The following DNAH5 variants were observed in gnomAD, a reference collection of about 807,000 sequenced individuals.
The protein encoded by DNAH5 is dynein axonemal heavy chain 5.
DNAH5 carries 372 observed loss-of-function variants against 518.2 expected under a neutral mutation model. The ratio of observed to expected loss-of-function variants is 0.72; its 90% confidence interval spans 0.66 to 0.78. The LOEUF (loss-of-function observed/expected upper bound fraction) is 0.78, where lower values mean the gene tolerates loss of function less well. Ranked by LOEUF, DNAH5 falls within the 30% of genes least tolerant of loss-of-function variation. The pLI is 0.00. For synonymous variants in DNAH5, 2,039 were observed against 2,025.9 expected, an observed-to-expected ratio of 1.01 and a Z score of -0.17; for missense variants, 5,523 against 5,687.0, an observed-to-expected ratio of 0.97 and a Z score of 0.93.
At position 13,714,593 on chromosome 5, in the gene DNAH5, C is replaced by A; in HGVS notation, c.12937G>T (p.Val4313Leu). The A allele has an allele frequency of 5.6e-6, 9 of 1,614,116 alleles. No individual in the cohort carries two copies. Among genetic ancestry groups the A allele is most frequent in the Non-Finnish European group, 7.6e-6 (9 of 1,180,006 alleles). ...QSLPAYDSPE[V>L]FGLHPNADIT... Reference sequence around the variant, plus strand: ...TCAGCATTGGGGTGCAGCCCAAACACCTCAGGGCTGTCATAGGCAGGCAAA... The same window carrying A: ...TCAGCATTGGGGTGCAGCCCAAACAACTCAGGGCTGTCATAGGCAGGCAAA... The change falls in exon 75 of 79, where the codon GTG (valine) becomes TTG (leucine). Residue 4313 changes from valine to leucine, a missense_variant. Val to Leu is a conservative substitution (Grantham distance 32, BLOSUM62 1). This residue lies in a region of DNAH5 where 387 missense variants were observed against 430.0 expected (regional missense o/e 0.90). Transcript: ENST00000265104.
intron 61 of DNAH5, among the ~76,000 whole-genome samples, chr5:13,758,451 T>C (rs113890207): frequency 0.017 from 2,601 of 152,234 alleles, 69 homozygotes; most frequent in African/African-American, 0.056. Context: ...GCCATGATCA[T>C]GCCATTGCAC....
intron 53 of DNAH5, among the ~76,000 whole-genome samples, chr5:13,780,528 C>A (rs905326758): frequency 6.6e-6 from 1 of 152,186 alleles, no homozygotes; most frequent in Admixed American, 6.5e-5. Context: ...TAACACTCAA[C>A]AGGGACAATT....
intron 44 of DNAH5, among the ~76,000 whole-genome samples, chr5:13,811,268 ACATAG>A (rs1480619548): frequency 6.6e-6 from 1 of 152,226 alleles, no homozygotes; most frequent in Non-Finnish European, 1.5e-5. Flanking sequence ...TGGTTATTAC[ACATAG>A]CATACCAGTA....
intron 32 of DNAH5, among the ~76,000 whole-genome samples, chr5:13,842,963 A>G (rs1316113216): frequency 6.6e-6 from 1 of 152,210 alleles, no homozygotes; most frequent in Non-Finnish European, 1.5e-5. Context: ...AGACACTTAA[A>G]TTATCTTCCA....
intron 30 of DNAH5, 84 bp from the exon 31 acceptor site, chr5:13,850,899 G>A (rs1381636728): frequency 2.8e-6 from 4 of 1,420,078 alleles, no homozygotes; most frequent in Non-Finnish European, 3.0e-6. Flanking sequence ...CTCCAGCTGA[G>A]GCTAGAGCTT....
In DNAH5 at chr5:13,793,600, G is replaced by A. The variant is rs1250683644; in HGVS notation, c.8139C>T (p.Arg2713=). 6.2e-7 allele frequency: 1 copy of A among 1,614,122 alleles called. No homozygotes were observed. Among genetic ancestry groups the A allele is most frequent in the East Asian group, 2.2e-5 (1 of 44,878 alleles). Reference sequence around the variant, plus strand: ...TCTTGAGTCTTTGGGGTATGTCATTGCGTCCACCACCAGGATGGATCATGG... The same window carrying A: ...TCTTGAGTCTTTGGGGTATGTCATTACGTCCACCACCAGGATGGATCATGG... ...LAAMIHPGGG[R]NDIPQRLKRQ... Residue 2713 remains arginine (R), a synonymous_variant, in exon 49 of 79, where the codon CGC becomes CGT. Coordinates refer to ENST00000265104, the MANE Select transcript of DNAH5 (RefSeq NM_001369.3).
rs1291374135 is a variant in DNAH5, at chr5:13,919,169, T to G, written c.975+7A>C. On this transcript the variant is annotated splice_region_variant and intron_variant, in intron 7 of 78. Coordinates refer to ENST00000265104, the MANE Select transcript of DNAH5 (RefSeq NM_001369.3). Reference sequence around the variant, plus strand: ...ATTTCACAAGGCAAAATGAAATGGCTGACGACCTTCAGCAGTTTCGACTTG... The same window carrying G: ...ATTTCACAAGGCAAAATGAAATGGCGGACGACCTTCAGCAGTTTCGACTTG... The G allele has an allele frequency of 6.2e-7, 1 of 1,613,968 alleles. No homozygotes were observed. Among genetic ancestry groups the G allele is most frequent in the Non-Finnish European group, 8.5e-7 (1 of 1,179,832 alleles).
Position 13,978,474 on chromosome 5 carries a change from A to G in DNAH5, c.12+33174T>C, listed in dbSNP as rs6892440. 1.4e-3 allele frequency among the ~76,000 whole-genome samples: 213 copies of G among 152,302 alleles called. 2 individuals carry two copies. Among genetic ancestry groups the G allele is most frequent in the African/African-American group, 4.1e-3 (172 of 41,556 alleles). Reference sequence around the variant, plus strand: ...TCAGGCTGCAACATCTGCTCTCCGTAGTCTCCAGGCTCTGTGTGTCTATGT... The same window carrying G: ...TCAGGCTGCAACATCTGCTCTCCGTGGTCTCCAGGCTCTGTGTGTCTATGT... On this transcript the variant is annotated intron_variant, in intron 1 of 78. Coordinates refer to the DNAH5 transcript ENST00000681290.
At chr5:13,698,293 G>GT (rs1351648132) in intron 78 of DNAH5, among the ~76,000 whole-genome samples, 3 of 152,126 alleles carry the variant, frequency 2.0e-5, no homozygotes, top group African/African-American at 7.2e-5. Flanking sequence ...CCATGCATGT[G>GT]TTTTTTGCAG....
At position 13,830,093 on chromosome 5, in the gene DNAH5, T is replaced by A. The variant is rs755401934; in HGVS notation, c.6182A>T (p.Lys2061Met). Residue 2061 changes from lysine to methionine, a missense_variant, in exon 37 of 79, where the codon AAG becomes ATG. By Grantham distance (95) the Lys-to-Met change is moderately conservative. Coordinates refer to ENST00000265104, the MANE Select transcript of DNAH5 (RefSeq NM_001369.3). ...IILTCKKEHK[K>M]SFIFTDGDNV... ...ATCTCCATCAGTAAAGATAAAAGAC[T>A]TTTTGTGCTCCTTTTTACATGTCAG... The A allele has an allele frequency of 6.2e-7, 1 of 1,613,938 alleles. No homozygotes were observed. The highest frequency in any genetic ancestry group is 8.5e-7 in the Non-Finnish European group (1 of 1,179,926).
chr5:13,939,292 G>T (rs1057193739), intron 1 of DNAH5, among the ~76,000 whole-genome samples: 1 of 152,154 alleles, frequency 6.6e-6, no homozygotes, highest in African/African-American at 2.4e-5. Flanking sequence ...GTGAGTCCAC[G>T]ATTGCAGAAT....
rs145793410 is a variant in DNAH5, at chr5:13,786,226, C to T, written c.8773G>A (p.Gly2925Ser). 10 of 1,613,998 alleles carry T rather than the reference C, an allele frequency of 6.2e-6. No homozygotes were observed. In the African/African-American group the frequency reaches 9.3e-5, roughly 15 times the overall value. The change falls in exon 52 of 79, where the codon GGC becomes AGC. Residue 2925 changes from glycine (G) to serine (S), a missense_variant. This residue lies in a region of DNAH5 where 5,121 missense variants were observed against 5,223.3 expected (regional missense o/e 0.98). Transcript: ENST00000265104. ...TCTGCAAAGAACACCATGTCCATGC[C>T]GGCGCCACGGATGCTCTCATTATAG... Reference protein sequence around the residue: ...QLYNESIRGAGMDMVFFADAM... With the variant: ...QLYNESIRGASMDMVFFADAM...
At chr5:13,986,564 C>T (rs144084383) in intron 1 of DNAH5, among the ~76,000 whole-genome samples, 2 of 152,256 alleles carry the variant, frequency 1.3e-5, no homozygotes, top group South Asian at 2.1e-4. Flanking sequence ...CAAACAAAGC[C>T]AGTCTTCAGA....
intron 32 of DNAH5, among the ~76,000 whole-genome samples, chr5:13,843,530 G>C (rs1765559233): frequency 6.6e-6 from 1 of 152,180 alleles, no homozygotes; most frequent in South Asian, 2.1e-4. Flanking sequence ...CATCTTTGCA[G>C]ATGTGATCAA....
intron 21 of DNAH5, among the ~76,000 whole-genome samples, chr5:13,877,616 C>T (rs2151930472): frequency 6.6e-6 from 1 of 152,314 alleles, no homozygotes; most frequent in South Asian, 2.1e-4. Context: ...TAACCAAAAA[C>T]ATATCCGCAT....
intron 36 of DNAH5, 51 bp from the exon 37 acceptor site, chr5:13,830,264 A>G (rs1763468505): frequency 1.3e-6 from 2 of 1,529,144 alleles, no homozygotes; most frequent in Admixed American, 3.4e-5. Context: ...ATTTTAGAAA[A>G]CCAAGAAAAA....
chr5:13,703,583 C>A (rs186550858), intron 76 of DNAH5, among the ~76,000 whole-genome samples: 2 of 152,186 alleles, frequency 1.3e-5, no homozygotes, highest in African/African-American at 4.8e-5. Flanking sequence ...TCTAATGACC[C>A]TGATGTCCAT....
At chr5:13,897,998 T>G (rs1461895930) in intron 15 of DNAH5, 1 of 152,188 alleles carries the variant, frequency 6.6e-6, no homozygotes, top group Non-Finnish European at 1.5e-5. Context: ...GCCAGAGGCC[T>G]CCATACTGGA....
At chr5:13,819,994 G>C (rs946451666) in intron 41 of DNAH5, among the ~76,000 whole-genome samples, 1 of 152,086 alleles carries the variant, frequency 6.6e-6, no homozygotes, top group Non-Finnish European at 1.5e-5. Flanking sequence ...TTAACTCTGA[G>C]TCCCATCACT....
Sources: allele counts gnomAD v4.1 joint callset (sites outside exome capture counted in the v4.1 genomes callset), GRCh38; gene constraint gnomAD v4.1.1; regional missense constraint gnomAD v4.1.1; transcripts MANE v1.5; gene names NCBI Gene and HGNC (gene_info 2026-07-23, HGNC 2026-07-21).